Variants in TCF20 observed in about 807,000 individuals in gnomAD.
TCF20 encodes the protein transcription factor 20.
In TCF20, 3 loss-of-function variants were observed where a neutral mutation model predicts 148.6. That is an observed-to-expected ratio of 0.02 (90% confidence interval 0.01 to 0.05). The LOEUF is 0.05. Among genes scored for constraint, TCF20 ranks in the 10% least tolerant of loss-of-function variants. The pLI is 1.00. For missense variants in TCF20, 2,350 were observed against 2,429.3 expected (o/e 0.97, Z 0.69); for synonymous variants, 1,049 against 909.5 (o/e 1.15, Z -2.76).
At chr22:42,302,238 A>G (rs1181806063) in intron 1 of TCF20, among the ~76,000 whole-genome samples, 1 of 152,158 alleles carries the variant, frequency 6.6e-6, no homozygotes, top group Non-Finnish European at 1.5e-5. Flanking sequence ...CTCCCACAAC[A>G]GTCAGGACTG....
At chr22:42,175,057 T>C (rs1225855512) in intron 3 of TCF20, among the ~76,000 whole-genome samples, 3 of 151,534 alleles carry the variant, frequency 2.0e-5, no homozygotes, top group Non-Finnish European at 2.9e-5. Context: ...AAAAAAGCCA[T>C]TTTTTTCAAC....
intron 1 of TCF20, among the ~76,000 whole-genome samples, chr22:42,289,584 G>A (rs142643846): frequency 2.0e-4 from 30 of 152,334 alleles, no homozygotes; most frequent in South Asian, 8.3e-4. Flanking sequence ...GCCCTGAAAG[G>A]TGGTGTAAAG....
rs898721138 is a variant in TCF20 at position 42,214,801 on chromosome 22, G to A, written c.505C>T (p.Gln169Ter). ...PFSPGSAQYQ[Q>*]QASSQQQQQQ... ...TGCTGCTGCTGGCTGGAAGCCTGCT[G>A]TTGGTACTGAGCACTCCCTGGAGAG... Residue 169 changes from glutamine to a stop codon, truncating the protein, a stop_gained, in exon 2 of 6, where the codon CAG becomes TAG. Transcript: ENST00000677622. LOFTEE classifies it high-confidence loss of function. The A allele has an allele frequency of 6.2e-7, 1 of 1,614,016 alleles. No homozygotes were observed. Among genetic ancestry groups the A allele is most frequent in the African/African-American group, 1.3e-5 (1 of 74,934 alleles).
At chr22:42,267,988 A>C (rs1926382957) in intron 1 of TCF20, among the ~76,000 whole-genome samples, 2 of 152,106 alleles carry the variant, frequency 1.3e-5, no homozygotes, top group African/African-American at 4.8e-5. Context: ...TCTACTTAAA[A>C]TACAAAAATT....
chr22:42,323,873 T>C (rs1477530600), intron 1 of TCF20, among the ~76,000 whole-genome samples: 1 of 133,704 alleles, frequency 7.5e-6, no homozygotes, highest in African/African-American at 2.6e-5. Context: ...GTGGTGGTGG[T>C]GGTGGTGGTG....
chr22:42,296,487 C>A (rs1026521454), intron 1 of TCF20, among the ~76,000 whole-genome samples: 1 of 152,262 alleles, frequency 6.6e-6, no homozygotes, highest in Admixed American at 6.5e-5. Flanking sequence ...AACACCCAGC[C>A]CTGCCTGGAG....
At chr22:42,265,002 A>G (rs1206340784) in intron 1 of TCF20, among the ~76,000 whole-genome samples, 3 of 152,218 alleles carry the variant, frequency 2.0e-5, no homozygotes, top group Non-Finnish European at 4.4e-5. Context: ...TGCAATAATG[A>G]TATTTTCCCT....
chr22:42,295,977 G>A (rs573716219), intron 1 of TCF20, among the ~76,000 whole-genome samples: 2 of 152,328 alleles, frequency 1.3e-5, no homozygotes, highest in East Asian at 3.9e-4. Context: ...CTGAGGGCAT[G>A]GACTTTGAAG....
rs1410805765 is a variant in TCF20, at chr22:42,167,252, G to A, written c.*44+1357C>T. ...CAACGCTCTATCAAGAAGGCACTCA[G>A]CAGCCCCCACTTGACTTCTCAAATG... is the stretch of plus-strand genomic sequence containing the variant. On this transcript the variant is annotated intron_variant, in intron 5 of 5. Coordinates refer to ENST00000677622, the MANE Select transcript of TCF20 (RefSeq NM_001378418.1). Among the ~76,000 whole-genome samples, 3 of 152,190 alleles carry A rather than the reference G, an allele frequency of 2.0e-5. No individual in the cohort carries two copies. In the East Asian group the frequency reaches 5.8e-4, roughly 29 times the overall value.
chr22:42,165,827 C>T (rs538561208), intron 5 of TCF20, among the ~76,000 whole-genome samples: 2 of 152,246 alleles, frequency 1.3e-5, no homozygotes, highest in Non-Finnish European at 2.9e-5. Context: ...CCTGTTTTTA[C>T]AGAAGAAACC....
At chr22:42,219,719 G>A (rs1350772586) in intron 1 of TCF20, among the ~76,000 whole-genome samples, 4 of 152,004 alleles carry the variant, frequency 2.6e-5, no homozygotes, top group Non-Finnish European at 4.4e-5. Context: ...AGCCAGGCAT[G>A]GTGATGCGTG....
chr22:42,213,632 G>C lies in TCF20; in HGVS notation c.1674C>G (p.Ser558=), dbSNP rs769124723. 1 of 1,614,084 alleles carries C rather than the reference G, an allele frequency of 6.2e-7. No individual in the cohort carries two copies. Among genetic ancestry groups the C allele is most frequent in the East Asian group, 2.2e-5 (1 of 44,880 alleles). Residue 558 remains serine (S), a synonymous_variant, in exon 2 of 6, where the codon TCC becomes TCG. Transcript: ENST00000677622. ...YKGGASEKAG[S]SPAQGAQNEP... ...CATTCTGAGCACCTTGTGCCGGTGA[G>C]GAGCCAGCTTTCTCAGAGGCTCCAC...
intron 1 of TCF20, among the ~76,000 whole-genome samples, chr22:42,265,643 CAGAA>C (rs1170937302): frequency 1.3e-5 from 2 of 152,188 alleles, no homozygotes; most frequent in Non-Finnish European, 2.9e-5. Flanking sequence ...AAGCCCCAGA[CAGAA>C]TGAATGAGTA....
chr22:42,162,780 G>A (rs367873378), intron 5 of TCF20, among the ~76,000 whole-genome samples: 2 of 152,160 alleles, frequency 1.3e-5, no homozygotes, highest in African/African-American at 2.4e-5. Context: ...GTTCACACAC[G>A]CAGAACTGCT....
chr22:42,294,283 C>T (rs1341287187), intron 1 of TCF20, among the ~76,000 whole-genome samples: 4 of 152,344 alleles, frequency 2.6e-5, no homozygotes, highest in South Asian at 2.1e-4. Flanking sequence ...AATCTCAGCC[C>T]GCGACCCCGC....
rs1935326016 is a variant in TCF20 at position 42,160,113 on chromosome 22, T to C, written c.*1290A>G. ...TTGTGAAACAGCTATTTTATCCCCA[T>C]GGCAGAGTGACCCCTGAAAGATGCA... On this transcript the variant is annotated 3_prime_UTR_variant, in exon 6 of 6. Transcript: ENST00000677622. 1 of 152,648 alleles carries C rather than the reference T, an allele frequency of 6.6e-6. No homozygotes were observed. The highest frequency in any genetic ancestry group is 1.5e-5 in the Non-Finnish European group (1 of 68,042). The allele number at this position is 152,648 out of a possible 1,614,324, so 9.5% of individuals were successfully genotyped here.
intron 1 of TCF20, among the ~76,000 whole-genome samples, chr22:42,312,446 C>A (rs927366334): frequency 1.3e-5 from 2 of 152,114 alleles, no homozygotes; most frequent in Admixed American, 6.5e-5. Context: ...AGGTGGGGCC[C>A]CAGGCCTCAG....
intron 1 of TCF20, chr22:42,269,743 C>G (rs1054792784): frequency 6.5e-6 from 1 of 152,870 alleles, no homozygotes; most frequent in Admixed American, 6.5e-5. Context: ...CCGCCGGTAC[C>G]TGCCCTCCGC....
chr22:42,190,086 T>C (rs945704129), intron 2 of TCF20, among the ~76,000 whole-genome samples: 5 of 152,072 alleles, frequency 3.3e-5, no homozygotes, highest in South Asian at 2.1e-4. Flanking sequence ...CAACAATACA[T>C]TGGGGATAAT....
Sources: gnomAD v4.1 joint callset for allele counts (sites outside exome capture counted in the v4.1 genomes callset) on GRCh38, gnomAD v4.1.1 for gene constraint, MANE v1.5 for transcripts, NCBI Gene and HGNC (gene_info 2026-07-23, HGNC 2026-07-21) for gene names.